Variants in CACNA1E observed in about 807,000 individuals in gnomAD.
The protein encoded by CACNA1E is voltage-dependent R-type calcium channel subunit alpha-1E.
A neutral mutation model predicts 259.2 loss-of-function variants in CACNA1E; 40 were observed. The ratio of observed to expected loss-of-function variants is 0.15; its 90% CI spans 0.12 to 0.20. CACNA1E has a LOEUF of 0.20. CACNA1E is among the 10% of genes least tolerant of loss of function. CACNA1E has a pLI of 1.00. For missense variants in CACNA1E, 1,874 were observed against 3,040.1 expected, an observed-to-expected ratio of 0.62 and a Z score of 9.02; for synonymous variants, 1,104 against 1,138.5, an observed-to-expected ratio of 0.97 and a Z score of 0.61.
intron 7 of CACNA1E, among the ~76,000 whole-genome samples, chr1:181,683,052 C>G (rs185801924): frequency 1.3e-5 from 2 of 152,170 alleles, no homozygotes; most frequent in Non-Finnish European, 2.9e-5. Flanking sequence ...AGAATTGGAG[C>G]CCCTCCCCTC....
rs112493201 is a variant in CACNA1E at position 181,328,223 on chromosome 1, T to C, written c.-15+10100T>C. ...GGCCTGTTTCCTGGTTCATAGGTGG[T>C]GCCTTCTCGCTGTGTCCTCACATGG... On this transcript the variant is annotated intron_variant, in intron 1 of 11. Transcript: ENST00000524607. Among the ~76,000 whole-genome samples, 931 of 152,224 alleles carry C rather than the reference T, an allele frequency of 6.1e-3. 12 individuals are homozygous for C. The highest frequency in any genetic ancestry group is 0.021 in the African/African-American group (877 of 41,514).
chr1:181,640,115 G>C (rs1657615094), intron 6 of CACNA1E, among the ~76,000 whole-genome samples: 1 of 152,142 alleles, frequency 6.6e-6, no homozygotes, highest in African/African-American at 2.4e-5. Context: ...AGTGGATGAG[G>C]CTACTTACAA....
At position 181,804,139 on chromosome 1, in the gene CACNA1E, G is replaced by A. The variant is rs1016965868; in HGVS notation, c.*5305G>A. 6.6e-6 allele frequency: 1 copy of A among 152,156 alleles called. No homozygotes were observed. Among genetic ancestry groups the A allele is most frequent in the African/African-American group, 2.4e-5 (1 of 41,416 alleles). 9.4% of individuals were successfully genotyped at this position (152,156 alleles called of 1,614,324 possible). ...TAGACCAAGTCAAAAGAGGTGTGGG[G>A]ATTTATGTTTATTTTTATTTGTTTG... is the stretch of plus-strand genomic sequence containing the variant. On this transcript the variant is annotated 3_prime_UTR_variant, in exon 48 of 48. Coordinates refer to ENST00000367573, the MANE Select transcript of CACNA1E (RefSeq NM_001205293.3).
At chr1:181,632,075 T>G (rs923063934) in intron 6 of CACNA1E, among the ~76,000 whole-genome samples, 24 of 152,186 alleles carry the variant, frequency 1.6e-4, no homozygotes, top group African/African-American at 5.1e-4. Flanking sequence ...GACTTCAGAC[T>G]GAACCAGATT....
intron 43 of CACNA1E, among the ~76,000 whole-genome samples, chr1:181,790,205 T>C (rs1268478858): frequency 6.6e-6 from 1 of 151,996 alleles, no homozygotes; most frequent in Non-Finnish European, 1.5e-5. Context: ...TCATTTGTCA[T>C]AGACATGCTA....
At chr1:181,710,233 T>C (rs937436824) in intron 7 of CACNA1E, among the ~76,000 whole-genome samples, 2 of 130,184 alleles carry the variant, frequency 1.5e-5, no homozygotes, top group Non-Finnish European at 3.1e-5. Context: ...TTTATGGGAG[T>C]CAGGTGTCCT....
chr1:181,663,630 G>A (rs758870761), intron 7 of CACNA1E, among the ~76,000 whole-genome samples: 6 of 152,196 alleles, frequency 3.9e-5, no homozygotes, highest in Non-Finnish European at 7.4e-5. Flanking sequence ...AACTGAGGAA[G>A]AGGCTGGCAT....
At chr1:181,619,191 C>T (rs968778470) in intron 6 of CACNA1E, among the ~76,000 whole-genome samples, 1 of 133,366 alleles carries the variant, frequency 7.5e-6, no homozygotes, top group African/African-American at 2.9e-5. Flanking sequence ...GGGACGGGGT[C>T]GGTTTTGGTA....
chr1:181,785,188 T>C (rs1660752503), intron 41 of CACNA1E, 130 bp from the exon 42 acceptor site: 2 of 671,306 alleles, frequency 3.0e-6, no homozygotes, highest in South Asian at 1.8e-5. Flanking sequence ...GGGCCCTCAA[T>C]ATACATTGGA....
chr1:181,781,380 TG>T (rs1660415813), intron 38 of CACNA1E, 46 bp from the exon 39 acceptor site: 2 of 847,418 alleles, frequency 2.4e-6, no homozygotes, highest in African/African-American at 3.4e-5. Context: ...GCCACCCCAC[TG>T]CCCCGCTAAC....
At chr1:181,666,442 C>A (rs2102168813) in intron 7 of CACNA1E, among the ~76,000 whole-genome samples, 1 of 152,192 alleles carries the variant, frequency 6.6e-6, no homozygotes, top group African/African-American at 2.4e-5. Flanking sequence ...AATGAAAAGA[C>A]AAACCCTGCT....
intron 7 of CACNA1E, among the ~76,000 whole-genome samples, chr1:181,671,629 G>A (rs945985111): frequency 2.6e-5 from 4 of 152,042 alleles, no homozygotes; most frequent in South Asian, 2.1e-4. Flanking sequence ...CTGACATAAC[G>A]GCTCCCACAC....
At chr1:181,325,458 G>C (rs1650702314) in intron 1 of CACNA1E, among the ~76,000 whole-genome samples, 1 of 152,082 alleles carries the variant, frequency 6.6e-6, no homozygotes, top group Non-Finnish European at 1.5e-5. Context: ...CAGCCACATA[G>C]CACCCTCGAG....
intron 3 of CACNA1E, among the ~76,000 whole-genome samples, chr1:181,547,628 G>T (rs1251190233): frequency 1.3e-5 from 2 of 152,240 alleles, no homozygotes; most frequent in African/African-American, 4.8e-5. Context: ...GCTGCCCAAA[G>T]ATGTAGAGGA....
intron 2 of CACNA1E, among the ~76,000 whole-genome samples, chr1:181,447,030 A>T (rs1167089755): frequency 6.6e-6 from 1 of 152,178 alleles, no homozygotes; most frequent in African/African-American, 2.4e-5. Context: ...GTAAGGTTGC[A>T]CTTCCAAGGT....
rs199820931 is a variant in CACNA1E at position 181,732,851 on chromosome 1, G to A, written c.2765G>A (p.Arg922Gln). ...ARHRQSQRRS[R>Q]HRRVRTEGKE... ...CACAGGCAGAGCCAACGGCGCAGCC[G>A]GCATCGCCGCGTCAGGACAGAAGGC... Residue 922 changes from arginine (R) to glutamine (Q), a missense_variant, in exon 20 of 48, where the codon CGG becomes CAG. Arg to Gln is a conservative substitution (Grantham distance 43). Transcript: ENST00000367573. The surrounding 1 kb of genome is among the most constrained non-coding windows in gnomAD (Gnocchi z 5.5). 2.7e-5 allele frequency: 43 copies of A among 1,613,712 alleles called. No individual in the cohort carries two copies. In the Middle Eastern group the frequency reaches 6.6e-4, roughly 25 times the overall value.
chr1:181,342,285 G>T (rs959231390), intron 1 of CACNA1E, among the ~76,000 whole-genome samples: 1 of 152,108 alleles, frequency 6.6e-6, no homozygotes, highest in African/African-American at 2.4e-5. Context: ...GCCTTATAAA[G>T]CATTTGGATT....
At chr1:181,749,739 TA>T (rs1321997784) in intron 25 of CACNA1E, among the ~76,000 whole-genome samples, 1 of 152,252 alleles carries the variant, frequency 6.6e-6, no homozygotes, top group African/African-American at 2.4e-5. Flanking sequence ...TGCCCTGACT[TA>T]TTTTAAATGC....
At chr1:181,461,701 C>G (rs918276258) in intron 2 of CACNA1E, among the ~76,000 whole-genome samples, 1 of 152,024 alleles carries the variant, frequency 6.6e-6, no homozygotes, top group Non-Finnish European at 1.5e-5. Flanking sequence ...CCAGCTCTTG[C>G]AGAATAAATC....
Sources: gnomAD v4.1 joint callset for allele counts (sites outside exome capture counted in the v4.1 genomes callset) on GRCh38, gnomAD v4.1.1 for gene constraint, Gnocchi (gnomAD v3.1) non-coding constraint, MANE v1.5 for transcripts, NCBI Gene and HGNC (gene_info 2026-07-23, HGNC 2026-07-21) for gene names.